The following GRM8 variants were observed in gnomAD, a reference collection of about 807,000 sequenced individuals.
GRM8 encodes glutamate metabotropic receptor 8, also known as metabotropic glutamate receptor 8.
GRM8 carries 47 observed loss-of-function variants against 87.2 expected under a neutral mutation model. The observed-to-expected ratio is 0.54, with a 90% CI of 0.43 to 0.69. GRM8 has a LOEUF of 0.69. Ranked by LOEUF, GRM8 falls within the 30% of genes least tolerant of loss-of-function variation. The pLI, the probability that GRM8 is intolerant of heterozygous loss-of-function variation, is 0.00. For missense variants in GRM8, 1,019 were observed against 1,139.2 expected (o/e 0.89, Z 1.52); for synonymous variants, 396 against 404.5 (o/e 0.98, Z 0.25).
At chr7:126,931,154 TAATGG>T (rs1191267170) in intron 3 of GRM8, among the ~76,000 whole-genome samples, 3 of 151,932 alleles carry the variant, frequency 2.0e-5, no homozygotes. Flanking sequence ...TTTTCAGGAG[TAATGG>T]GAAATAAAGA....
intron 8 of GRM8, among the ~76,000 whole-genome samples, chr7:126,562,630 C>T (rs184131206): frequency 6.6e-6 from 1 of 152,264 alleles, no homozygotes; most frequent in East Asian, 1.9e-4. Flanking sequence ...CGTGGTGGCT[C>T]ACGCCTGTAA....
intron 3 of GRM8, among the ~76,000 whole-genome samples, chr7:126,927,157 G>A (rs1805221722): frequency 2.0e-5 from 3 of 152,042 alleles, no homozygotes; most frequent in African/African-American, 4.8e-5. Context: ...ATTTTTAGAA[G>A]CAAGGTCTCA....
intron 3 of GRM8, among the ~76,000 whole-genome samples, chr7:126,991,574 C>T (rs752925816): frequency 6.6e-6 from 1 of 151,828 alleles, no homozygotes; most frequent in Non-Finnish European, 1.5e-5. Context: ...GGATTTGAGT[C>T]GACTTACAAC....
At chr7:127,165,413 T>C (rs929272195) in intron 2 of GRM8, among the ~76,000 whole-genome samples, 3 of 151,872 alleles carry the variant, frequency 2.0e-5, no homozygotes, top group African/African-American at 7.2e-5. Context: ...ATGATATATT[T>C]TCCAACTCAG....
chr7:127,240,243 G>A (rs915307746), intron 2 of GRM8, among the ~76,000 whole-genome samples: 1 of 152,038 alleles, frequency 6.6e-6, no homozygotes, highest in African/African-American at 2.4e-5. Context: ...CCAGATCCCC[G>A]CTGCATAAAA....
chr7:127,117,563 CAG>C (rs1826772504), intron 2 of GRM8, among the ~76,000 whole-genome samples: 2 of 152,130 alleles, frequency 1.3e-5, no homozygotes, highest in South Asian at 4.1e-4. Context: ...CTGCTTAAGA[CAG>C]TGAAAGTTTT....
At chr7:126,896,044 A>C (rs1801513498) in intron 6 of GRM8, among the ~76,000 whole-genome samples, 1 of 150,126 alleles carries the variant, frequency 6.7e-6, no homozygotes, top group Non-Finnish European at 1.5e-5. Context: ...CAAATAAAAG[A>C]AACCAGGATC....
At chr7:127,011,884 C>A (rs1298646167) in intron 3 of GRM8, among the ~76,000 whole-genome samples, 1 of 152,120 alleles carries the variant, frequency 6.6e-6, no homozygotes, top group Non-Finnish European at 1.5e-5. Context: ...TCTAATCCAG[C>A]CTCTCATTTG....
At chr7:126,585,299 A>T (rs1201416413) in intron 8 of GRM8, among the ~76,000 whole-genome samples, 1 of 152,164 alleles carries the variant, frequency 6.6e-6, no homozygotes. Context: ...TAAGGCATAA[A>T]CCCATCTGAG....
rs1814861406 is a variant in GRM8 at position 127,011,229 on chromosome 7, C to T, written c.727+95267G>A. 2.6e-5 allele frequency among the ~76,000 whole-genome samples: 4 copies of T among 152,006 alleles called. No homozygotes were observed. The South Asian group carries it at 8.3e-4, about 32-fold the overall frequency. On this transcript the variant is annotated intron_variant, in intron 3 of 10. Coordinates refer to ENST00000339582, the MANE Select transcript of GRM8 (RefSeq NM_000845.3). Reference sequence around the variant, plus strand: ...TACTTACGAAATTGGACACCCTTGGCCTTTCACATATTCTTTGTGAAAGGG... The same window carrying T: ...TACTTACGAAATTGGACACCCTTGGTCTTTCACATATTCTTTGTGAAAGGG...
intron 7 of GRM8, among the ~76,000 whole-genome samples, chr7:126,683,067 CAA>C (rs981859161): frequency 6.6e-6 from 1 of 151,528 alleles, no homozygotes; most frequent in Non-Finnish European, 1.5e-5. Flanking sequence ...CAAAACAAAA[CAA>C]AAAAAAGTGT....
chr7:126,782,051 G>A (rs757638015), intron 6 of GRM8, among the ~76,000 whole-genome samples: 5 of 152,116 alleles, frequency 3.3e-5, no homozygotes, highest in Non-Finnish European at 5.9e-5. Flanking sequence ...ACCTATTAGT[G>A]ATAATAAAAT....
intron 7 of GRM8, among the ~76,000 whole-genome samples, chr7:126,718,988 A>G (rs1246835470): frequency 6.6e-6 from 1 of 152,196 alleles, no homozygotes; most frequent in Non-Finnish European, 1.5e-5. Flanking sequence ...ATTTAATGTA[A>G]AATCAATACT....
chr7:126,613,596 A>G (rs1296243521), intron 7 of GRM8, among the ~76,000 whole-genome samples: 2 of 152,212 alleles, frequency 1.3e-5, no homozygotes, highest in Non-Finnish European at 2.9e-5. Context: ...TCACCCGGAA[A>G]GTGCAAGGGG....
chr7:126,835,988 A>C (rs750324280), intron 6 of GRM8, among the ~76,000 whole-genome samples: 10 of 152,216 alleles, frequency 6.6e-5, no homozygotes, highest in Non-Finnish European at 1.2e-4. Context: ...GCTGACAATC[A>C]GTCAAGGGTA....
At chr7:126,705,808 GA>G in intron 7 of GRM8, among the ~76,000 whole-genome samples, 1 of 152,040 alleles carries the variant, frequency 6.6e-6, no homozygotes, top group South Asian at 2.1e-4. Context: ...CACACTAAAA[GA>G]AAATAAAAAT....
At chr7:127,087,114 A>G (rs17867046) in intron 3 of GRM8, among the ~76,000 whole-genome samples, 2,796 of 152,334 alleles carry the variant, frequency 0.018, 96 homozygotes, top group African/African-American at 0.063. Context: ...GTGACAGGAC[A>G]TTAACACAGG....
intron 6 of GRM8, among the ~76,000 whole-genome samples, chr7:126,786,340 C>G (rs1820625267): frequency 6.6e-6 from 1 of 152,170 alleles, no homozygotes; most frequent in Non-Finnish European, 1.5e-5. Flanking sequence ...GAACCAATTA[C>G]TGTTTACAAA....
intron 6 of GRM8, among the ~76,000 whole-genome samples, chr7:126,832,263 T>C (rs1437977350): frequency 6.6e-6 from 1 of 152,092 alleles, no homozygotes; most frequent in Non-Finnish European, 1.5e-5. Context: ...GCCTGTGATC[T>C]AGAATGACAA....
Sources: allele counts gnomAD v4.1 joint callset (sites outside exome capture counted in the v4.1 genomes callset), GRCh38; gene constraint gnomAD v4.1.1; transcripts MANE v1.5; gene names NCBI Gene and HGNC (gene_info 2026-07-23, HGNC 2026-07-21).